Variants in HECTD4 observed in about 807,000 individuals in gnomAD.
The protein encoded by HECTD4 is probable E3 ubiquitin-protein ligase HECTD4.
Under a neutral mutation model 471.5 loss-of-function variants are expected in HECTD4, and 114 were observed. That is an observed-to-expected ratio of 0.24 (90% CI 0.21 to 0.28). The LOEUF is 0.28. Ranked by LOEUF, HECTD4 falls within the 10% of genes least tolerant of loss-of-function variation. HECTD4 has a pLI of 1.00. For missense variants in HECTD4, 3,866 were observed against 5,651.5 expected, an observed-to-expected ratio of 0.68 and a Z score of 10.13; for synonymous variants, 2,012 against 2,256.0, an observed-to-expected ratio of 0.89 and a Z score of 3.07.
chr12:112,216,397 T>A (rs1593939572), intron 47 of HECTD4, 26 bp from the exon 48 acceptor site: 4 of 1,473,862 alleles, frequency 2.7e-6, no homozygotes, highest in Non-Finnish European at 3.7e-6. Flanking sequence ...AGAAGGGAGG[T>A]CAAAGACAAG....
intron 51 of HECTD4, 120 bp from the exon 52 acceptor site, chr12:112,208,120 G>T: frequency 1.7e-6 from 2 of 1,178,550 alleles, no homozygotes; most frequent in Middle Eastern, 2.9e-4. Context: ...GTAATAGAAA[G>T]ATCAGACATA....
intron 11 of HECTD4, among the ~76,000 whole-genome samples, chr12:112,273,453 A>G (rs2034459743): frequency 6.6e-6 from 1 of 152,178 alleles, no homozygotes; most frequent in Non-Finnish European, 1.5e-5. Flanking sequence ...CAAAAGCTCT[A>G]TTTATTTACA....
At chr12:112,264,057 A>G (rs766213535) in intron 17 of HECTD4, 27 bp downstream of exon 17, 9 of 1,600,662 alleles carry the variant, frequency 5.6e-6, no homozygotes, top group Admixed American at 1.7e-5. Context: ...GGTAGAACGC[A>G]TCGTTAAAAT....
rs865895745 is a variant in HECTD4 at position 112,229,897 on chromosome 12, C to A, written c.6337-17G>T. On this transcript the variant is annotated splice_polypyrimidine_tract_variant and intron_variant, in intron 40 of 75. Coordinates refer to ENST00000682272, the MANE Select transcript of HECTD4 (RefSeq NM_001388303.1). ...AGACAGAACCTAAATATAGAAGCAG[C>A]CCGTGCACTAGGAGTTAAAGCTTTG... 1 of 1,601,474 alleles carries A rather than the reference C, an allele frequency of 6.2e-7. No individual in the cohort carries two copies.
chr12:112,325,417 A>G (rs965978514), intron 1 of HECTD4, among the ~76,000 whole-genome samples: 2 of 152,196 alleles, frequency 1.3e-5, no homozygotes, highest in African/African-American at 4.8e-5. Context: ...AAAACTCAGA[A>G]CTGTTTGCTA....
intron 8 of HECTD4, among the ~76,000 whole-genome samples, chr12:112,280,808 A>T (rs1310448985): frequency 3.1e-5 from 4 of 128,794 alleles, no homozygotes; most frequent in Non-Finnish European, 4.7e-5. Flanking sequence ...TTTTTTTGAG[A>T]CTGAGTCTCA....
intron 54 of HECTD4, 189 bp downstream of exon 54, chr12:112,203,447 C>T (rs2032488741): frequency 4.0e-6 from 2 of 503,754 alleles, no homozygotes; most frequent in Non-Finnish European, 7.0e-6. Flanking sequence ...TACTGCCAGC[C>T]CTGATCTGAG....
At position 112,248,426 on chromosome 12, in the gene HECTD4, A is replaced by G; in HGVS notation, c.4037T>C (p.Leu1346Pro). 1 of 1,611,282 alleles carries G rather than the reference A, an allele frequency of 6.2e-7. No homozygotes were observed. Residue 1346 changes from leucine (L) to proline (P), a missense_variant, in exon 26 of 76, where the codon CTA becomes CCA. Transcript: ENST00000682272. Reference sequence around the variant, plus strand: ...TTCTTCTTGATATTGGAAATTTATTAGAGACTGCAGTGCATCAACCAAGTT... The same window carrying G: ...TTCTTCTTGATATTGGAAATTTATTGGAGACTGCAGTGCATCAACCAAGTT... ...HLNLVDALQS[L>P]INFQYQEEHA...
At chr12:112,367,298 CA>C (rs1007644715) in intron 1 of HECTD4, among the ~76,000 whole-genome samples, 2 of 81,748 alleles carry the variant, frequency 2.4e-5, no homozygotes, top group Non-Finnish European at 2.4e-5. Context: ...GACTTGGTCT[CA>C]AAAAAAAAAA....
At position 112,282,159 on chromosome 12, in the gene HECTD4, G is replaced by A. The variant is rs574859668; in HGVS notation, c.1528+951C>T. Among the ~76,000 whole-genome samples, 115 of 152,200 alleles carry A rather than the reference G, an allele frequency of 7.6e-4. 2 individuals carry two copies. The highest frequency in any genetic ancestry group is 3.7e-4 in the Non-Finnish European group (25 of 68,010). ...AGCACTTTGGGAGGCCAAGGTGGGC[G>A]GATCACGAGGTCAGGAGATCGAGAC... On this transcript the variant is annotated intron_variant, in intron 8 of 75. Coordinates refer to ENST00000682272, the MANE Select transcript of HECTD4 (RefSeq NM_001388303.1).
intron 7 of HECTD4, among the ~76,000 whole-genome samples, chr12:112,299,049 T>C (rs570944530): frequency 1.3e-5 from 2 of 152,270 alleles, no homozygotes; most frequent in Admixed American, 6.5e-5. Context: ...GCTAAATTAG[T>C]GGCTGAGTGA....
Position 112,213,496 on chromosome 12 carries a change from C to A in HECTD4, c.7466-846G>T, listed in dbSNP as rs1344303202. ...GGTCAGGAGATCGAGTCCATCCTGG[C>A]TAACACGGTGAAACCCTGTCTCTAC... On this transcript the variant is annotated intron_variant, in intron 48 of 75. Transcript: ENST00000682272. This position sits in a 1 kb window ranked among gnomAD's most constrained non-coding sequence, Gnocchi z 4.0. Among the ~76,000 whole-genome samples, 1 of 149,818 alleles carries A rather than the reference C, an allele frequency of 6.7e-6. No homozygotes were observed. The highest frequency in any genetic ancestry group is 6.7e-5 in the Admixed American group (1 of 14,986).
chr12:112,224,367 C>T (rs201261489), intron 44 of HECTD4, among the ~76,000 whole-genome samples: 5 of 151,514 alleles, frequency 3.3e-5, no homozygotes, highest in African/African-American at 7.3e-5. Context: ...CCGGGGTTCA[C>T]GCCATTCTCC....
At chr12:112,216,460 G>C (rs1269966339) in intron 47 of HECTD4, 89 bp from the exon 48 acceptor site, 10 of 889,134 alleles carry the variant, frequency 1.1e-5, no homozygotes, top group Admixed American at 2.1e-5. Context: ...GAAGTGGAGG[G>C]GGGGTGGTCA....
chr12:112,169,422 T>G, intron 70 of HECTD4, 81 bp downstream of exon 70: 1 of 1,415,544 alleles, frequency 7.1e-7, no homozygotes, highest in Non-Finnish European at 9.4e-7. Flanking sequence ...CTCTTGGAAA[T>G]GGAGGTCTTG....
At chr12:112,165,414 C>T (rs1370476545) in intron 72 of HECTD4, among the ~76,000 whole-genome samples, 4 of 147,334 alleles carry the variant, frequency 2.7e-5, no homozygotes, top group Admixed American at 6.9e-5. Context: ...TGCAGTGGCG[C>T]GATATCAGCT....
At chr12:112,356,468 TTGGGCTGTCACCCAGGG>T (rs1242063320) in intron 1 of HECTD4, among the ~76,000 whole-genome samples, 1 of 152,158 alleles carries the variant, frequency 6.6e-6, no homozygotes, top group African/African-American at 2.4e-5. Context: ...AAAGACAGGG[TTGGGCTGTCACCCAGGG>T]TGGAGTGCAG....
At chr12:112,358,437 A>G (rs2036385947) in intron 1 of HECTD4, among the ~76,000 whole-genome samples, 1 of 152,174 alleles carries the variant, frequency 6.6e-6, no homozygotes, top group Admixed American at 6.5e-5. Context: ...ACAACATAGC[A>G]AAACCTCATT....
chr12:112,175,703 G>T, intron 66 of HECTD4, 33 bp downstream of exon 66: 1 of 1,600,368 alleles, frequency 6.2e-7, no homozygotes, highest in Non-Finnish European at 8.5e-7. Flanking sequence ...TTCTATGCAA[G>T]GTGCCAACTG....
Sources: allele counts gnomAD v4.1 joint callset (sites outside exome capture counted in the v4.1 genomes callset), GRCh38; gene constraint gnomAD v4.1.1; non-coding constraint Gnocchi (gnomAD v3.1); transcripts MANE v1.5; gene names NCBI Gene and HGNC (gene_info 2026-07-23, HGNC 2026-07-21).